Variants in NT5M observed in about 807,000 individuals in gnomAD.
NT5M encodes the protein 5'(3')-deoxyribonucleotidase, mitochondrial.
A neutral mutation model predicts 22.2 loss-of-function variants in NT5M; 22 were observed. The ratio of observed to expected loss-of-function variants is 0.99; its 90% CI spans 0.71 to 1.41. The LOEUF (loss-of-function observed/expected upper bound fraction) is 1.41. Among genes scored for constraint, NT5M ranks in the 40% most tolerant of loss-of-function variants. The pLI is 0.00. For synonymous variants in NT5M, 167 were observed against 133.0 expected (o/e 1.26, Z -1.76); for missense variants, 322 against 314.8 (o/e 1.02, Z -0.17).
intron 3 of NT5M, among the ~76,000 whole-genome samples, chr17:17,340,172 C>T (rs2142374878): frequency 6.6e-6 from 1 of 152,130 alleles, no homozygotes. Flanking sequence ...TGTTATTGGT[C>T]TGTTTGTTTT....
At chr17:17,329,782 C>T (rs1308105418) in intron 3 of NT5M, among the ~76,000 whole-genome samples, 1 of 151,286 alleles carries the variant, frequency 6.6e-6, no homozygotes, top group Non-Finnish European at 1.5e-5. Flanking sequence ...TTGAGACCTG[C>T]CTGGGCAACA....
At chr17:17,304,487 T>C in intron 1 of NT5M, 1 of 956,130 alleles carries the variant, frequency 1.0e-6, no homozygotes, top group Non-Finnish European at 1.2e-6. Context: ...GGTTGGTAAA[T>C]TTGAAGTATT....
chr17:17,338,195 CTT>C (rs35575792), intron 3 of NT5M, among the ~76,000 whole-genome samples: 17 of 142,996 alleles, frequency 1.2e-4, no homozygotes, highest in Admixed American at 1.4e-4. Context: ...GTTCTGTGAT[CTT>C]TTTTTTTTTT....
chr17:17,313,484 C>A (rs112899954), intron 2 of NT5M, among the ~76,000 whole-genome samples: 5,912 of 152,202 alleles, frequency 0.039, 359 homozygotes, highest in African/African-American at 0.13. Context: ...CGAAGGGACT[C>A]GTCAGTAACT....
At chr17:17,305,399 C>G (rs1009062372) in intron 1 of NT5M, among the ~76,000 whole-genome samples, 2 of 119,872 alleles carry the variant, frequency 1.7e-5, no homozygotes, top group African/African-American at 6.4e-5. Flanking sequence ...CAACCGCCCC[C>G]CCCCCCCCGC....
At chr17:17,328,381 A>G (rs2049305439) in intron 3 of NT5M, among the ~76,000 whole-genome samples, 1 of 152,124 alleles carries the variant, frequency 6.6e-6, no homozygotes, top group African/African-American at 2.4e-5. Flanking sequence ...GAACTAAGAC[A>G]AGGGGAGAAG....
intron 3 of NT5M, among the ~76,000 whole-genome samples, chr17:17,325,354 G>T (rs2049243746): frequency 6.6e-6 from 1 of 151,982 alleles, no homozygotes; most frequent in Non-Finnish European, 1.5e-5. Context: ...TCTGTCCCTG[G>T]GGTGCTGGTT....
chr17:17,328,743 GAACC>G (rs2049313540), intron 3 of NT5M, among the ~76,000 whole-genome samples: 1 of 152,174 alleles, frequency 6.6e-6, no homozygotes, highest in Non-Finnish European at 1.5e-5. Context: ...CAGAGGATGG[GAACC>G]TGACTGCTGT....
At chr17:17,321,334 G>A (rs1318662882) in intron 2 of NT5M, among the ~76,000 whole-genome samples, 1 of 152,044 alleles carries the variant, frequency 6.6e-6, no homozygotes, top group Non-Finnish European at 1.5e-5. Flanking sequence ...GATAGCAAGC[G>A]GGTATTGCAG....
intron 2 of NT5M, among the ~76,000 whole-genome samples, chr17:17,316,112 T>G (rs1471442323): frequency 6.7e-6 from 1 of 148,508 alleles, no homozygotes; most frequent in African/African-American, 2.5e-5. Context: ...TGTAGTGTAG[T>G]GGTGCCATCT....
At chr17:17,308,280 A>G (rs2048850371) in intron 2 of NT5M, among the ~76,000 whole-genome samples, 1 of 152,116 alleles carries the variant, frequency 6.6e-6, no homozygotes, top group Admixed American at 6.6e-5. Context: ...ATTTTTAAAA[A>G]CAGCCTTATT....
At chr17:17,343,938 G>A (rs140058618) in intron 3 of NT5M, among the ~76,000 whole-genome samples, 46 of 152,286 alleles carry the variant, frequency 3.0e-4, no homozygotes, top group Non-Finnish European at 5.7e-4. Context: ...AGCAGGTGCC[G>A]TGCTTAGGCT....
At chr17:17,340,904 T>A (rs1202984826) in intron 3 of NT5M, among the ~76,000 whole-genome samples, 1 of 152,158 alleles carries the variant, frequency 6.6e-6, no homozygotes, top group Admixed American at 6.5e-5. Context: ...TTATTTTTTT[T>A]AAATTCAGGC....
At chr17:17,324,167 G>T (rs2049216134) in intron 3 of NT5M, among the ~76,000 whole-genome samples, 1 of 150,568 alleles carries the variant, frequency 6.6e-6, no homozygotes, top group African/African-American at 2.4e-5. Context: ...GAGCCACCGT[G>T]CCTGGCCTGG....
intron 3 of NT5M, among the ~76,000 whole-genome samples, chr17:17,337,347 T>C (rs1302412823): frequency 6.6e-6 from 1 of 152,142 alleles, no homozygotes; most frequent in Non-Finnish European, 1.5e-5. Context: ...ACTGAAGCTA[T>C]CTTTCCACCT....
chr17:17,306,478 C>A, intron 1 of NT5M, 65 bp from the exon 2 acceptor site: 2 of 1,114,688 alleles, frequency 1.8e-6, no homozygotes, highest in Non-Finnish European at 2.7e-6. Context: ...TGGCCATACT[C>A]CCCAAGATGA....
chr17:17,322,123 G>A (rs1390286311), intron 2 of NT5M, among the ~76,000 whole-genome samples: 1 of 152,076 alleles, frequency 6.6e-6, no homozygotes, highest in Admixed American at 6.5e-5. Context: ...GATGGTGATA[G>A]AGCAGGAATG....
intron 3 of NT5M, among the ~76,000 whole-genome samples, chr17:17,329,978 A>C (rs1192000131): frequency 6.6e-6 from 1 of 152,050 alleles, no homozygotes; most frequent in Admixed American, 6.6e-5. Flanking sequence ...TCTCAAAAAA[A>C]CAAAAACAAA....
chr17:17,306,917 C>G (rs1165734273), intron 2 of NT5M, among the ~76,000 whole-genome samples: 1 of 152,176 alleles, frequency 6.6e-6, no homozygotes, highest in African/African-American at 2.4e-5. Flanking sequence ...TTATTCAATG[C>G]CCGGACGTGG....
Sources: allele counts gnomAD v4.1 joint callset (sites outside exome capture counted in the v4.1 genomes callset), GRCh38; gene constraint gnomAD v4.1.1; transcripts MANE v1.5; gene names NCBI Gene and HGNC (gene_info 2026-07-23, HGNC 2026-07-21).